The following NFIB variants were observed in gnomAD, a reference collection of about 807,000 sequenced individuals.
NFIB encodes the protein nuclear factor I B, also known as nuclear factor 1 B-type.
NFIB carries 11 observed loss-of-function variants against 61.5 expected under a neutral mutation model. The observed-to-expected ratio is 0.18, with a 90% CI of 0.11 to 0.30. The LOEUF (loss-of-function observed/expected upper bound fraction) is 0.30, where lower values mean the gene tolerates loss of function less well. Ranked by LOEUF, NFIB falls within the 10% of genes least tolerant of loss-of-function variation. NFIB has a pLI of 1.00. For synonymous variants in NFIB, 260 were observed against 216.5 expected, an observed-to-expected ratio of 1.20 and a Z score of -1.76; for missense variants, 471 against 608.9, an observed-to-expected ratio of 0.77 and a Z score of 2.38.
intron 2 of NFIB, among the ~76,000 whole-genome samples, chr9:14,206,953 T>C (rs1348281772): frequency 6.6e-6 from 1 of 152,300 alleles, no homozygotes; most frequent in South Asian, 2.1e-4. Flanking sequence ...CACTATTCCA[T>C]ACATTGTATG....
the NFIB span, among the ~76,000 whole-genome samples, chr9:14,419,600 T>A: frequency 6.6e-6 from 1 of 152,228 alleles, no homozygotes; most frequent in Non-Finnish European, 1.5e-5. Flanking sequence ...GCCTTGCATG[T>A]TACGTAGCTG....
intron 3 of NFIB, among the ~76,000 whole-genome samples, chr9:14,161,248 CTG>C (rs543089073): frequency 7.8e-4 from 119 of 152,218 alleles, no homozygotes; most frequent in African/African-American, 2.8e-3. Context: ...AAAGCTGAAA[CTG>C]TGATTATAAA....
chr9:14,202,703 T>C (rs1009478525), intron 2 of NFIB, among the ~76,000 whole-genome samples: 1 of 152,224 alleles, frequency 6.6e-6, no homozygotes, highest in African/African-American at 2.4e-5. Context: ...GTATTTTATA[T>C]GGTTTTCTCT....
At position 14,143,337 on chromosome 9, in the gene NFIB, A is replaced by ATATTCTGTTCTTAAATATATGT. The variant is rs1436675021; in HGVS notation, c.925+3351_925+3352insACATATATTTAAGAACAGAATA. Among the ~76,000 whole-genome samples, 115 of 152,322 alleles carry ATATTCTGTTCTTAAATATATGT rather than the reference A, an allele frequency of 7.5e-4. No individual in the cohort carries two copies. In the Middle Eastern group the frequency reaches 0.017, roughly 23 times the overall value. On this transcript the variant is annotated intron_variant, in intron 6 of 10. Transcript: ENST00000380953. Reference sequence around the variant, plus strand: ...GATTTATTTTAAGAACAGAATACATATAATAATTTGGTCATATTATATCCT... The same window carrying ATATTCTGTTCTTAAATATATGT: ...GATTTATTTTAAGAACAGAATACATATATTCTGTTCTTAAATATATGTTAATAATTTGGTCATATTATATCCT...
At chr9:14,339,526 C>T (rs2060925340) in intron 1 of NFIB, among the ~76,000 whole-genome samples, 1 of 152,162 alleles carries the variant, frequency 6.6e-6, no homozygotes, top group African/African-American at 2.4e-5. Flanking sequence ...TCTCTGATAT[C>T]CCCATGGCTC....
At chr9:14,377,694 G>A (rs1029915756) in intron 1 of NFIB, among the ~76,000 whole-genome samples, 1 of 152,194 alleles carries the variant, frequency 6.6e-6, no homozygotes, top group Non-Finnish European at 1.5e-5. Flanking sequence ...AATTTTAAGA[G>A]GAAGGAAAAG....
the NFIB span, among the ~76,000 whole-genome samples, chr9:14,529,561 T>A: frequency 3.9e-5 from 6 of 152,196 alleles, no homozygotes; most frequent in Non-Finnish European, 7.4e-5. Context: ...CCGCCATGTA[T>A]TCTGTCTCTC....
chr9:14,245,821 C>T (rs760381551), intron 2 of NFIB, among the ~76,000 whole-genome samples: 14 of 151,906 alleles, frequency 9.2e-5, no homozygotes, highest in Non-Finnish European at 7.4e-5. Context: ...TGCAGTGAGC[C>T]GAGATCGCAC....
intron 1 of NFIB, among the ~76,000 whole-genome samples, chr9:14,397,635 G>A (rs551794127): frequency 1.3e-5 from 2 of 152,290 alleles, no homozygotes; most frequent in African/African-American, 4.8e-5. Flanking sequence ...AAGACCATAT[G>A]AAGTCATGCT....
intron 2 of NFIB, among the ~76,000 whole-genome samples, chr9:14,219,188 G>A (rs2051321792): frequency 6.6e-6 from 1 of 152,020 alleles, no homozygotes; most frequent in Non-Finnish European, 1.5e-5. Context: ...TATCTGCCAT[G>A]TTTAAAGGAG....
At chr9:14,437,679 C>T in the NFIB span, among the ~76,000 whole-genome samples, 3 of 151,946 alleles carry the variant, frequency 2.0e-5, no homozygotes, top group African/African-American at 4.8e-5. Context: ...CAGGAGGGCC[C>T]GGGACCGGAG....
chr9:14,349,839 T>C (rs754881397), intron 1 of NFIB, among the ~76,000 whole-genome samples: 2 of 152,128 alleles, frequency 1.3e-5, no homozygotes, highest in African/African-American at 2.4e-5. Flanking sequence ...CTCAGAACGC[T>C]TCCCGCGCGG....
chr9:14,105,924 C>G (rs1415555234), intron 10 of NFIB, among the ~76,000 whole-genome samples: 1 of 151,832 alleles, frequency 6.6e-6, no homozygotes, highest in Non-Finnish European at 1.5e-5. Flanking sequence ...GGTGGTGATT[C>G]CTTAGTTTCT....
chr9:14,206,695 CAAAAAA>C (rs889983433), intron 2 of NFIB, among the ~76,000 whole-genome samples: 3 of 71,282 alleles, frequency 4.2e-5, no homozygotes, highest in East Asian at 3.9e-4. Flanking sequence ...ACATGCTTTA[CAAAAAA>C]AAAAAAAAAA....
chr9:14,408,936 G>C, the NFIB span, among the ~76,000 whole-genome samples: 2 of 152,100 alleles, frequency 1.3e-5, no homozygotes, highest in African/African-American at 4.8e-5. Context: ...TAAATGATGT[G>C]CCCAAGTTAC....
intron 3 of NFIB, among the ~76,000 whole-genome samples, chr9:14,160,379 C>T (rs977375354): frequency 1.3e-5 from 2 of 151,638 alleles, no homozygotes; most frequent in Non-Finnish European, 2.9e-5. Flanking sequence ...ATAGAAAATC[C>T]AAAGGAAGAC....
the NFIB span, among the ~76,000 whole-genome samples, chr9:14,492,310 C>T: frequency 1.9e-4 from 29 of 151,790 alleles, no homozygotes; most frequent in South Asian, 4.4e-3. Context: ...TTGCAGTGAG[C>T]CGAGATCACG....
intron 6 of NFIB, among the ~76,000 whole-genome samples, chr9:14,141,786 A>G (rs1327475137): frequency 6.6e-6 from 1 of 151,614 alleles, no homozygotes; most frequent in East Asian, 2.0e-4. Context: ...CTGGCTGAAA[A>G]GCTGTTCAAA....
At chr9:14,232,879 A>C (rs1189752788) in intron 2 of NFIB, among the ~76,000 whole-genome samples, 1 of 152,210 alleles carries the variant, frequency 6.6e-6, no homozygotes, top group Non-Finnish European at 1.5e-5. Context: ...AATCAAAGAA[A>C]TCAGGAGTGC....
Sources: gnomAD v4.1 joint callset for allele counts (sites outside exome capture counted in the v4.1 genomes callset) on GRCh38, gnomAD v4.1.1 for gene constraint, MANE v1.5 for transcripts, NCBI Gene and HGNC (gene_info 2026-07-23, HGNC 2026-07-21) for gene names.